Variants in UBAP1 observed in about 807,000 individuals in gnomAD.
UBAP1 encodes ubiquitin-associated protein 1.
In UBAP1, 5 loss-of-function variants were observed where a neutral mutation model predicts 39.0. That is an observed-to-expected ratio of 0.13 (90% CI 0.07 to 0.27). The LOEUF is 0.27. UBAP1 is among the 10% of genes least tolerant of loss of function. The probability of loss-of-function intolerance (pLI) is 1.00; values close to 1 mark genes in which losing one functional copy is unlikely to be tolerated. For synonymous variants in UBAP1, 211 were observed against 225.1 expected, an observed-to-expected ratio of 0.94 and a Z score of 0.56; for missense variants, 490 against 608.1, an observed-to-expected ratio of 0.81 and a Z score of 2.04.
At chr9:34,208,667 A>G (rs1394570045) in intron 1 of UBAP1, among the ~76,000 whole-genome samples, 1 of 151,392 alleles carries the variant, frequency 6.6e-6, no homozygotes, top group Admixed American at 6.6e-5. Context: ...AGTCCCAGCT[A>G]CTTGGGAGGC....
intron 4 of UBAP1, among the ~76,000 whole-genome samples, chr9:34,243,386 G>A (rs190243631): frequency 2.0e-5 from 3 of 152,120 alleles, no homozygotes; most frequent in African/African-American, 7.2e-5. Flanking sequence ...TTTCTGACCT[G>A]TTCATCTCAG....
At chr9:34,196,933 TG>T (rs35271237) in intron 1 of UBAP1, among the ~76,000 whole-genome samples, 3 of 151,312 alleles carry the variant, frequency 2.0e-5, no homozygotes, top group Non-Finnish European at 4.4e-5. Context: ...TGTGTGTGTG[TG>T]TGTTTTTAAT....
chr9:34,189,103 G>A (rs1587788999), intron 1 of UBAP1, among the ~76,000 whole-genome samples: 1 of 152,088 alleles, frequency 6.6e-6, no homozygotes, highest in South Asian at 2.1e-4. Context: ...TATAGTTTGG[G>A]AGTGTTAACA....
At chr9:34,245,803 C>CTACT (rs1328643574) in intron 4 of UBAP1, among the ~76,000 whole-genome samples, 1 of 128,618 alleles carries the variant, frequency 7.8e-6, no homozygotes, top group Admixed American at 8.4e-5. Flanking sequence ...CCCCCCTTTC[C>CTACT]TACTTACTTA....
chr9:34,230,441 CTTAA>C (rs1174459755), intron 2 of UBAP1, among the ~76,000 whole-genome samples: 5 of 152,150 alleles, frequency 3.3e-5, no homozygotes, highest in Non-Finnish European at 5.9e-5. Flanking sequence ...AAACAAAAGA[CTTAA>C]TTGTGTGCTT....
chr9:34,216,796 A>G (rs1832347759), intron 1 of UBAP1, among the ~76,000 whole-genome samples: 2 of 151,438 alleles, frequency 1.3e-5, no homozygotes, highest in South Asian at 4.2e-4. Flanking sequence ...ACAGGTGCGT[A>G]CCACCATGCT....
intron 2 of UBAP1, among the ~76,000 whole-genome samples, chr9:34,229,654 C>T (rs2131598625): frequency 6.6e-6 from 1 of 151,964 alleles, no homozygotes; most frequent in South Asian, 2.1e-4. Context: ...TCTCCTGCCT[C>T]AGCCTCCTGA....
At chr9:34,237,201 C>T (rs556455746) in intron 3 of UBAP1, among the ~76,000 whole-genome samples, 7 of 150,334 alleles carry the variant, frequency 4.7e-5, no homozygotes, top group South Asian at 2.2e-4. Context: ...ATTTACTAAA[C>T]GCATGTTTAT....
intron 4 of UBAP1, among the ~76,000 whole-genome samples, chr9:34,246,904 A>C (rs981520692): frequency 1.3e-5 from 2 of 152,204 alleles, no homozygotes; most frequent in African/African-American, 4.8e-5. Flanking sequence ...ATTTTTGTCT[A>C]GTTTCTACTT....
intron 1 of UBAP1, among the ~76,000 whole-genome samples, chr9:34,182,633 TTC>T (rs1282465595): frequency 2.9e-4 from 17 of 57,910 alleles, no homozygotes; most frequent in African/African-American, 7.4e-4. Context: ...CTTTCTTTCT[TTC>T]TTTCTTTCTT....
chr9:34,251,639 G>A lies in UBAP1; in HGVS notation c.*107G>A. The A allele has an allele frequency of 7.7e-7, 1 of 1,301,972 alleles. No individual in the cohort carries two copies. Among genetic ancestry groups the A allele is most frequent in the Admixed American group, 2.6e-5 (1 of 38,342 alleles). The allele number at this position is 1,301,972 out of a possible 1,614,324, so 80.7% of individuals were successfully genotyped here. A position where few individuals can be genotyped will look rare whatever the true frequency, so the allele number is the denominator to read the frequency against. On this transcript the variant is annotated 3_prime_UTR_variant, in exon 7 of 7. Coordinates refer to ENST00000297661, the MANE Select transcript of UBAP1 (RefSeq NM_016525.5). ...GGCAGCTTCCGGATTTTCTTTTGGG[G>A]GTTAGAAGGTCAGGTGTGGAGACTG... is the stretch of plus-strand genomic sequence containing the variant.
chr9:34,186,430 G>GA, intron 1 of UBAP1, among the ~76,000 whole-genome samples: 1 of 152,240 alleles, frequency 6.6e-6, no homozygotes, highest in African/African-American at 2.4e-5. Flanking sequence ...CCAGTGTTTT[G>GA]AGTCACTGAA....
At chr9:34,217,783 CT>C (rs750494361) in intron 1 of UBAP1, among the ~76,000 whole-genome samples, 2,832 of 40,900 alleles carry the variant, frequency 0.069, 3 homozygotes, top group Middle Eastern at 0.091. Context: ...GGATTTCGTT[CT>C]TTTTTTTTTT....
Position 34,202,624 on chromosome 9 carries a change from CGTGTGTGTGTGTGT to C in UBAP1, c.-7-18243_-7-18230del, listed in dbSNP as rs56012034. 7.4e-3 allele frequency among the ~76,000 whole-genome samples: 794 copies of C among 107,360 alleles called. 8 individuals are homozygous for C. Among genetic ancestry groups the C allele is most frequent in the African/African-American group, 0.02 (501 of 25,540 alleles). The allele number at this position is 107,360 out of a possible 152,430, so 70.4% of individuals were successfully genotyped here. A position where few individuals can be genotyped will look rare whatever the true frequency, so the allele number is the denominator to read the frequency against. On this transcript the variant is annotated intron_variant, in intron 1 of 6. Coordinates refer to ENST00000297661, the MANE Select transcript of UBAP1 (RefSeq NM_016525.5). ...ATGGGCCAGAAGCTGTAGACAGAAA[CGTGTGTGTGTGTGT>C]GTGTGTGTGTGTGTGTGTGTGTGTG...
chr9:34,203,039 T>A (rs552556761), intron 1 of UBAP1, among the ~76,000 whole-genome samples: 7 of 152,156 alleles, frequency 4.6e-5, no homozygotes, highest in Non-Finnish European at 1.0e-4. Context: ...TTCATCTTGC[T>A]TTTTTTGTGT....
In UBAP1 at chr9:34,181,426, T is replaced by G. The variant is rs577954832; in HGVS notation, c.-8+2186T>G. Among the ~76,000 whole-genome samples, 302 of 144,212 alleles carry G rather than the reference T, an allele frequency of 2.1e-3. 1 individual carries two copies. Among genetic ancestry groups the G allele is most frequent in the African/African-American group, 7.3e-3 (284 of 38,788 alleles). The allele number at this position is 144,212 out of a possible 152,430, so 94.6% of individuals were successfully genotyped here. A position where few individuals can be genotyped will look rare whatever the true frequency, so the allele number is the denominator to read the frequency against. ...CCACCGCGCCCGGCCTTTTTTATTT[T>G]TATTTGTATTTTATTTTATTTTTTG... is the stretch of plus-strand genomic sequence containing the variant. On this transcript the variant is annotated intron_variant, in intron 1 of 6. Coordinates refer to ENST00000297661, the MANE Select transcript of UBAP1 (RefSeq NM_016525.5).
At chr9:34,215,426 C>T (rs1236833008) in intron 1 of UBAP1, among the ~76,000 whole-genome samples, 1 of 151,356 alleles carries the variant, frequency 6.6e-6, no homozygotes, top group African/African-American at 2.4e-5. Context: ...AGTAAAGTAA[C>T]TCAGGAATGG....
At chr9:34,235,886 G>C (rs949408443) in intron 3 of UBAP1, among the ~76,000 whole-genome samples, 6 of 149,518 alleles carry the variant, frequency 4.0e-5, no homozygotes, top group African/African-American at 1.5e-4. Context: ...AGGCTGGAGT[G>C]CAATGGCGCG....
intron 1 of UBAP1, among the ~76,000 whole-genome samples, chr9:34,183,303 G>A (rs1004164861): frequency 6.6e-6 from 1 of 151,590 alleles, no homozygotes; most frequent in Non-Finnish European, 1.5e-5. Context: ...CAGCACTTTG[G>A]GGGGCCGAGG....
Sources: gnomAD v4.1 joint callset for allele counts (sites outside exome capture counted in the v4.1 genomes callset) on GRCh38, gnomAD v4.1.1 for gene constraint, MANE v1.5 for transcripts, NCBI Gene and HGNC (gene_info 2026-07-23, HGNC 2026-07-21) for gene names.